Variants in TOGARAM1 observed in about 807,000 individuals in gnomAD.
TOGARAM1 encodes TOG array regulator of axonemal microtubules 1.
In TOGARAM1, 100 loss-of-function variants were observed where a neutral mutation model predicts 166.6. That is an observed-to-expected ratio of 0.60 (90% CI 0.51 to 0.71). The LOEUF is 0.71. TOGARAM1 is among the 30% of genes least tolerant of loss of function. The probability of loss-of-function intolerance (pLI) is 0.00; values close to 1 mark genes in which losing one functional copy is unlikely to be tolerated. For synonymous variants in TOGARAM1, 758 were observed against 763.8 expected, an observed-to-expected ratio of 0.99 and a Z score of 0.13; for missense variants, 2,029 against 2,102.7, an observed-to-expected ratio of 0.96 and a Z score of 0.69.
chr14:45,005,710 C>G (rs10150272), intron 4 of TOGARAM1, among the ~76,000 whole-genome samples: 7,075 of 152,278 alleles, frequency 0.046, 535 homozygotes, highest in African/African-American at 0.16. Flanking sequence ...TAAGATGTTT[C>G]ACCTTTAAAC....
At chr14:44,977,857 C>T (rs1035916925) in intron 1 of TOGARAM1, among the ~76,000 whole-genome samples, 1 of 151,944 alleles carries the variant, frequency 6.6e-6, no homozygotes, top group East Asian at 1.9e-4. Context: ...ACCATGTTGG[C>T]CAGGCTGGTC....
chr14:44,973,827 C>T (rs1335315554), intron 1 of TOGARAM1, among the ~76,000 whole-genome samples: 1 of 151,392 alleles, frequency 6.6e-6, no homozygotes, highest in African/African-American at 2.4e-5. Context: ...TTAAATATTC[C>T]AATCCACTTT....
intron 11 of TOGARAM1, among the ~76,000 whole-genome samples, chr14:45,034,449 T>G (rs952242880): frequency 6.6e-6 from 1 of 152,174 alleles, no homozygotes; most frequent in African/African-American, 2.4e-5. Flanking sequence ...AAGAGGATTT[T>G]ACTCAAATGT....
At chr14:45,059,438 A>G (rs1311141380) in intron 16 of TOGARAM1, among the ~76,000 whole-genome samples, 1 of 152,220 alleles carries the variant, frequency 6.6e-6, no homozygotes, top group African/African-American at 2.4e-5. Flanking sequence ...GCCTGAGCTC[A>G]GAAGTTCAAG....
chr14:45,003,858 T>C (rs1378249906), intron 3 of TOGARAM1, among the ~76,000 whole-genome samples: 1 of 132,824 alleles, frequency 7.5e-6, no homozygotes, highest in Non-Finnish European at 1.6e-5. Context: ...AGTACAATAT[T>C]TTAATGGGAT....
chr14:45,070,835 C>A (rs10135422), intron 18 of TOGARAM1, among the ~76,000 whole-genome samples: 7,059 of 152,196 alleles, frequency 0.046, 538 homozygotes, highest in African/African-American at 0.16. Context: ...TTGTAAATTT[C>A]TCTGTTTCTA....
At chr14:45,057,860 A>G (rs1393723668) in intron 16 of TOGARAM1, among the ~76,000 whole-genome samples, 2 of 152,180 alleles carry the variant, frequency 1.3e-5, no homozygotes, top group East Asian at 3.9e-4. Flanking sequence ...GTGACCTAAT[A>G]TATGGTCTGT....
rs140089073 is a variant in TOGARAM1 at position 45,023,325 on chromosome 14, C to T, written c.3239-2458C>T. ...GGGTTGAGTTGCACAAGTGTGCAGT[C>T]GCAGCACTGGCCCTTCAAGTAATAG... On this transcript the variant is annotated intron_variant, in intron 7 of 19. Transcript: ENST00000361462. Among the ~76,000 whole-genome samples the T allele has an allele frequency of 3.4e-3, 511 of 152,250 alleles. 1 individual carries two copies. The highest frequency in any genetic ancestry group is 0.012 in the African/African-American group (493 of 41,540).
chr14:45,071,622 A>ATTT, intron 18 of TOGARAM1, 90 bp from the exon 19 acceptor site: 1 of 772,144 alleles, frequency 1.3e-6, no homozygotes, highest in Non-Finnish European at 2.0e-6. Context: ...CCTAGAAGTG[A>ATTT]TTTTTTTTTT....
Position 45,032,279 on chromosome 14 carries a change from C to G in TOGARAM1, c.3715C>G (p.His1239Asp). The change falls in exon 11 of 20, where the codon CAT becomes GAT. Residue 1239 changes from histidine to aspartate, a missense_variant. Physicochemically the swap from His to Asp is moderately conservative, Grantham distance 81 (BLOSUM62 -1). Transcript: ENST00000361462. ...QYKERMPSVT[H>D]SPEIMDLSEL... ...TAAAGAAAGGATGCCTTCTGTCACTCATAGTCCAGAAATAATGGATCTGTC... is the reference window on the plus strand; with the variant it reads ...TAAAGAAAGGATGCCTTCTGTCACTGATAGTCCAGAAATAATGGATCTGTC... 2 of 1,613,826 alleles carry G rather than the reference C, an allele frequency of 1.2e-6. No homozygotes were observed. Among genetic ancestry groups the G allele is most frequent in the Non-Finnish European group, 1.7e-6 (2 of 1,179,710 alleles).
chr14:44,999,929 A>T (rs1348442565), intron 3 of TOGARAM1, among the ~76,000 whole-genome samples: 1 of 152,190 alleles, frequency 6.6e-6, no homozygotes, highest in African/African-American at 2.4e-5. Context: ...AGTATTGTTA[A>T]CTATAGTCAC....
intron 3 of TOGARAM1, among the ~76,000 whole-genome samples, chr14:45,003,644 A>G (rs753669828): frequency 3.9e-5 from 6 of 152,272 alleles, no homozygotes; most frequent in Non-Finnish European, 7.4e-5. Flanking sequence ...AGAGAAAAGC[A>G]AATAGAAACA....
At chr14:45,006,383 T>C in intron 5 of TOGARAM1, 116 bp downstream of exon 5, 2 of 742,786 alleles carry the variant, frequency 2.7e-6, no homozygotes, top group Non-Finnish European at 4.1e-6. Flanking sequence ...TCTAAAAATA[T>C]GTTCATTATA....
chr14:45,058,380 C>G, intron 16 of TOGARAM1, among the ~76,000 whole-genome samples: 1 of 151,916 alleles, frequency 6.6e-6, no homozygotes, highest in Non-Finnish European at 1.5e-5. Flanking sequence ...CTGCAACCTC[C>G]CCGTCCCAGG....
intron 16 of TOGARAM1, 93 bp from the exon 17 acceptor site, chr14:45,066,485 A>C (rs896836055): frequency 3.4e-6 from 4 of 1,183,754 alleles, no homozygotes; most frequent in Non-Finnish European, 4.6e-6. Context: ...ATTTTGGAAA[A>C]TGAATGCATA....
At chr14:44,989,584 C>G (rs918877186) in intron 1 of TOGARAM1, among the ~76,000 whole-genome samples, 7 of 151,988 alleles carry the variant, frequency 4.6e-5, no homozygotes, top group African/African-American at 1.7e-4. Flanking sequence ...CATTCTCATA[C>G]TACTATAAAG....
chr14:44,981,348 A>G (rs1356983078), intron 1 of TOGARAM1, among the ~76,000 whole-genome samples: 1 of 152,330 alleles, frequency 6.6e-6, no homozygotes, highest in East Asian at 1.9e-4. Context: ...ATATAAACCC[A>G]TTTAGAGAAT....
Position 44,987,004 on chromosome 14 carries a change from C to CA in TOGARAM1, c.2047-8727dup, listed in dbSNP as rs749013284. Among the ~76,000 whole-genome samples the CA allele has an allele frequency of 7.8e-3, 451 of 57,792 alleles. 1 individual carries two copies. The highest frequency in any genetic ancestry group is 0.025 in the Middle Eastern group (3 of 120). 37.9% of individuals were successfully genotyped at this position (57,792 alleles called of 152,430 possible). A position where few individuals can be genotyped will look rare whatever the true frequency, so the allele number is the denominator to read the frequency against. On this transcript the variant is annotated intron_variant, in intron 1 of 19. Coordinates refer to ENST00000361462, the MANE Select transcript of TOGARAM1 (RefSeq NM_001308120.2). ...TGGGCGACAGAGCGAGACTCTGTCT[C>CA]AAAAAAAAAAAAAAAGAAAGAAAAA...
At chr14:45,057,078 C>T (rs1172272680) in intron 16 of TOGARAM1, among the ~76,000 whole-genome samples, 1 of 151,972 alleles carries the variant, frequency 6.6e-6, no homozygotes, top group Non-Finnish European at 1.5e-5. Context: ...TTCAGGATTT[C>T]TGTTTCTTCC....
Sources: gnomAD v4.1 joint callset for allele counts (sites outside exome capture counted in the v4.1 genomes callset) on GRCh38, gnomAD v4.1.1 for gene constraint, MANE v1.5 for transcripts, NCBI Gene and HGNC (gene_info 2026-07-23, HGNC 2026-07-21) for gene names.